The following CCNI variants were observed in gnomAD, a reference collection of about 807,000 sequenced individuals.
The protein encoded by CCNI is cyclin-I.
A neutral mutation model predicts 34.1 loss-of-function variants in CCNI; 14 were observed. The ratio of observed to expected loss-of-function variants is 0.41; its 90% CI spans 0.27 to 0.64. The LOEUF is 0.64. CCNI is among the 30% of genes least tolerant of loss of function. The pLI is 0.31. For missense variants in CCNI, 385 were observed against 440.5 expected, an observed-to-expected ratio of 0.87 and a Z score of 1.13; for synonymous variants, 154 against 158.4, an observed-to-expected ratio of 0.97 and a Z score of 0.21.
intron 1 of CCNI, among the ~76,000 whole-genome samples, chr4:77,071,050 C>T (rs545334720): frequency 2.6e-5 from 4 of 152,286 alleles, no homozygotes; most frequent in African/African-American, 9.6e-5. Flanking sequence ...ATCCCAACAA[C>T]CGACTGTCAC....
chr4:77,066,100 C>G lies in CCNI; in HGVS notation c.114+149G>C. The G allele has an allele frequency of 4.6e-6, 3 of 649,766 alleles. No homozygotes were observed. The South Asian group carries it at 5.8e-5, about 13-fold the overall frequency. The allele number at this position is 649,766 out of a possible 1,614,324, so 40.3% of individuals were successfully genotyped here. On this transcript the variant is annotated intron_variant, in intron 2 of 6. Coordinates refer to ENST00000237654, the MANE Select transcript of CCNI (RefSeq NM_006835.3). ...TGGATGACAGAGTGAGACCCTGTTACACAAAAAAGAAACAGGGAGAGTCTC... is the reference window on the plus strand; with the variant it reads ...TGGATGACAGAGTGAGACCCTGTTAGACAAAAAAGAAACAGGGAGAGTCTC...
At chr4:77,051,981 T>C (rs1195721668) in intron 6 of CCNI, among the ~76,000 whole-genome samples, 2 of 151,520 alleles carry the variant, frequency 1.3e-5, no homozygotes, top group Non-Finnish European at 3.0e-5. Flanking sequence ...TTTGCTTCTT[T>C]TTACTTTTAG....
chr4:77,071,985 A>G (rs1729499646), intron 1 of CCNI, among the ~76,000 whole-genome samples: 1 of 152,208 alleles, frequency 6.6e-6, no homozygotes, highest in Non-Finnish European at 1.5e-5. Context: ...ACTAATAGCA[A>G]TCTTTACAAA....
chr4:77,049,922 A>C (rs1320606066), intron 6 of CCNI, among the ~76,000 whole-genome samples: 2 of 152,170 alleles, frequency 1.3e-5, no homozygotes, highest in African/African-American at 4.8e-5. Flanking sequence ...TTGTCAAAAT[A>C]ACCTTAGTTA....
chr4:77,049,434 T>G (rs976797638), intron 6 of CCNI, among the ~76,000 whole-genome samples: 1 of 152,120 alleles, frequency 6.6e-6, no homozygotes, highest in African/African-American at 2.4e-5. Flanking sequence ...TCCTAGCACT[T>G]TGGGAGGCCA....
At chr4:77,059,016 G>A (rs972230904) in intron 2 of CCNI, among the ~76,000 whole-genome samples, 4 of 151,986 alleles carry the variant, frequency 2.6e-5, no homozygotes, top group African/African-American at 4.8e-5. Flanking sequence ...AATTTCTCCC[G>A]CAGCAAGTAG....
rs749198496 is a variant in CCNI, at chr4:77,048,227, C to A, written c.1126G>T (p.Val376Phe). The stretch of plus-strand genomic sequence containing the variant: ...GGTAGCACTTGTTGAAACTACATGA[C>A]AGAAACAGGCTGCAAAGGTGGACAA... ...SPCPPLQPVS[V>F]M is the part of the protein sequence containing the mutation. The change falls in exon 7 of 7, where the codon GTC becomes TTC. Residue 376 changes from valine (V) to phenylalanine (F), a missense_variant. By Grantham distance (50) the Val-to-Phe change is conservative (BLOSUM62 -1). Around this residue, in one of 2 missense-constraint regions of CCNI, gnomAD observed 250 missense variants for 248.7 expected, o/e 1.01. Coordinates refer to ENST00000237654, the MANE Select transcript of CCNI (RefSeq NM_006835.3). 6.2e-7 allele frequency: 1 copy of A among 1,612,470 alleles called. No homozygotes were observed. The highest frequency in any genetic ancestry group is 1.3e-5 in the African/African-American group (1 of 74,798).
chr4:77,050,162 T>C (rs1727729311), intron 6 of CCNI, among the ~76,000 whole-genome samples: 1 of 152,226 alleles, frequency 6.6e-6, no homozygotes, highest in Non-Finnish European at 1.5e-5. Context: ...TTAATCATCT[T>C]ATTTCTACCT....
chr4:77,073,822 T>C, intron 1 of CCNI, among the ~76,000 whole-genome samples: 1 of 152,192 alleles, frequency 6.6e-6, no homozygotes, highest in South Asian at 2.1e-4. Context: ...TTCCTAATAA[T>C]GAATTCTTTG....
chr4:77,070,487 T>G (rs913129938), intron 1 of CCNI, among the ~76,000 whole-genome samples: 30 of 151,568 alleles, frequency 2.0e-4, no homozygotes, highest in Admixed American at 3.3e-4. Context: ...TTTTTTTTTT[T>G]TTTTTTGACA....
Position 77,071,738 on chromosome 4 carries a change from A to C in CCNI, c.-44+3734T>G, listed in dbSNP as rs4252798. Among the ~76,000 whole-genome samples the C allele has an allele frequency of 2.6e-5, 4 of 152,180 alleles. No individual in the cohort carries two copies. In the East Asian group the frequency reaches 7.7e-4, roughly 29 times the overall value. ...AACAACTGTGTGCAACTAAATTGGC[A>C]ATTTTAGATGAAATGGTCCAGTTCC... On this transcript the variant is annotated intron_variant, in intron 1 of 6. Transcript: ENST00000237654.
At chr4:77,074,259 T>C (rs1406175770) in intron 1 of CCNI, among the ~76,000 whole-genome samples, 2 of 152,190 alleles carry the variant, frequency 1.3e-5, no homozygotes, top group Non-Finnish European at 2.9e-5. Flanking sequence ...ACATGCTGAC[T>C]GTATTAGTCT....
intron 1 of CCNI, among the ~76,000 whole-genome samples, chr4:77,070,696 G>A (rs894756772): frequency 6.6e-6 from 1 of 152,080 alleles, no homozygotes; most frequent in Admixed American, 6.6e-5. Context: ...ATTAACACTA[G>A]AAACGGAATG....
rs1728143258 is a variant in CCNI at position 77,055,318 on chromosome 4, TG to T, written c.521del (p.Pro174HisfsTer63). 6.2e-7 allele frequency: 1 copy of T among 1,614,110 alleles called. No individual in the cohort carries two copies. The highest frequency in any genetic ancestry group is 1.1e-5 in the South Asian group (1 of 91,096). On this transcript the variant is annotated frameshift_variant, in exon 6 of 7. Transcript: ENST00000237654. LOFTEE classifies it high-confidence loss of function. ...TGGTAAGGACTGCCAAATGTTGAGA[TG>T]GGCTCAATTTGGGCAAACTGAAAAG... ...QLLFSLPKLS[P>X]SQHLAVLTKQ...
chr4:77,053,728 T>A (rs1256562344), intron 6 of CCNI, among the ~76,000 whole-genome samples: 1 of 151,866 alleles, frequency 6.6e-6, no homozygotes, highest in Non-Finnish European at 1.5e-5. Flanking sequence ...ATGTAGGAGG[T>A]TTTCTATTAA....
At chr4:77,053,860 A>G (rs999669224) in intron 6 of CCNI, among the ~76,000 whole-genome samples, 3 of 152,186 alleles carry the variant, frequency 2.0e-5, no homozygotes, top group African/African-American at 7.2e-5. Context: ...GTGGTTTATC[A>G]TAATTTCTAA....
In CCNI at chr4:77,056,049, T is replaced by G. The variant is rs1263857442; in HGVS notation, c.372A>C (p.Ser124=). The part of the protein sequence containing the change: ...LARDSFCGCS[S]SEILRMERII... Reference sequence around the variant, plus strand: ...TTCTCTCCATTCTCAAAATTTCAGATGAGGAACATCCACAGAAACTGTCTC... The same window carrying G: ...TTCTCTCCATTCTCAAAATTTCAGAGGAGGAACATCCACAGAAACTGTCTC... Residue 124 remains serine (S), a synonymous_variant, in exon 5 of 7, where the codon TCA becomes TCC. Transcript: ENST00000237654. 1 of 1,613,754 alleles carries G rather than the reference T, an allele frequency of 6.2e-7. No individual in the cohort carries two copies. The highest frequency in any genetic ancestry group is 8.5e-7 in the Non-Finnish European group (1 of 1,179,706).
At chr4:77,070,228 G>A (rs1039333131) in intron 1 of CCNI, among the ~76,000 whole-genome samples, 6 of 151,840 alleles carry the variant, frequency 4.0e-5, no homozygotes, top group African/African-American at 1.5e-4. Flanking sequence ...TGTTGGCCAG[G>A]CTGGTCTTGA....
chr4:77,049,884 T>C (rs1727712787), intron 6 of CCNI, among the ~76,000 whole-genome samples: 2 of 152,124 alleles, frequency 1.3e-5, no homozygotes, highest in Admixed American at 1.3e-4. Flanking sequence ...TAGTAAAGTG[T>C]CTCTCTTCCT....
Sources: allele counts gnomAD v4.1 joint callset (sites outside exome capture counted in the v4.1 genomes callset), GRCh38; gene constraint gnomAD v4.1.1; regional missense constraint gnomAD v4.1.1; transcripts MANE v1.5; gene names NCBI Gene and HGNC (gene_info 2026-07-23, HGNC 2026-07-21).